The following PBRM1 variants were observed in gnomAD, a reference collection of about 807,000 sequenced individuals.
PBRM1 encodes the protein protein polybromo-1.
A neutral mutation model predicts 194.5 loss-of-function variants in PBRM1; 27 were observed. The observed-to-expected ratio is 0.14, with a 90% CI of 0.10 to 0.19. The LOEUF (loss-of-function observed/expected upper bound fraction) is 0.19. Among genes scored for constraint, PBRM1 ranks in the 10% least tolerant of loss-of-function variants. PBRM1 has a pLI of 1.00. For synonymous variants in PBRM1, 655 were observed against 693.2 expected (o/e 0.94, Z 0.87); for missense variants, 1,466 against 2,077.2 (o/e 0.71, Z 5.72).
chr3:52,545,433 T>C (rs1441329401), downstream of PBRM1: 3 of 231,976 alleles, frequency 1.3e-5, no homozygotes, highest in Admixed American at 1.1e-4. Context: ...AAAAGATACA[T>C]ACATGTTATA....
chr3:52,653,794 C>T (rs1027156591), intron 5 of PBRM1, among the ~76,000 whole-genome samples: 4 of 151,532 alleles, frequency 2.6e-5, no homozygotes, highest in Admixed American at 1.3e-4. Context: ...CCTGTAATTC[C>T]AGCTACTCAG....
Position 52,554,634 on chromosome 3 carries a change from G to A in PBRM1, c.4609+90C>T, listed in dbSNP as rs1360586962. Reference sequence around the variant, plus strand: ...GGGAGGGAAGGCCTGGCCACAATGGGCCACGGGTGCCTCCTGGAACAACTG... The same window carrying A: ...GGGAGGGAAGGCCTGGCCACAATGGACCACGGGTGCCTCCTGGAACAACTG... On this transcript the variant is annotated intron_variant, in intron 27 of 29. Transcript: ENST00000296302. 2.6e-6 allele frequency: 3 copies of A among 1,166,538 alleles called. No individual in the cohort carries two copies. In the East Asian group the frequency reaches 8.1e-5, roughly 31 times the overall value. The allele number at this position is 1,166,538 out of a possible 1,614,324, so 72.3% of individuals were successfully genotyped here.
intron 11 of PBRM1, among the ~76,000 whole-genome samples, chr3:52,631,148 A>C (rs1434416436): frequency 6.6e-6 from 1 of 152,160 alleles, no homozygotes; most frequent in Admixed American, 6.5e-5. Context: ...GGACCTCCAA[A>C]GTCTGGATTA....
At chr3:52,591,042 C>T (rs2092979497) in intron 17 of PBRM1, among the ~76,000 whole-genome samples, 1 of 152,108 alleles carries the variant, frequency 6.6e-6, no homozygotes, top group African/African-American at 2.4e-5. Flanking sequence ...ACAATGCGTT[C>T]CTGATCTAGC....
chr3:52,559,240 T>G (rs2082878151), intron 25 of PBRM1, among the ~76,000 whole-genome samples: 1 of 152,160 alleles, frequency 6.6e-6, no homozygotes, highest in African/African-American at 2.4e-5. Context: ...AAAAGAGCAT[T>G]TGCTGTGGCA....
rs370482456 is a variant in PBRM1 at position 52,560,910 on chromosome 3, T to C, written c.4288+857A>G. Among the ~76,000 whole-genome samples, 180 of 152,046 alleles carry C rather than the reference T, an allele frequency of 1.2e-3. 3 individuals are homozygous for C. In the South Asian group the frequency reaches 0.035, roughly 30 times the overall value. The stretch of plus-strand genomic sequence containing the variant: ...ATAATTAATGTTTGCCAGAAAATAA[T>C]AGAACTGTACCCACCTAAGAAGAGT... On this transcript the variant is annotated intron_variant, in intron 25 of 29. Coordinates refer to ENST00000296302, the Ensembl canonical transcript of PBRM1.
chr3:52,597,887 C>T (rs1002361771), intron 17 of PBRM1, among the ~76,000 whole-genome samples: 4 of 151,994 alleles, frequency 2.6e-5, no homozygotes, highest in Non-Finnish European at 4.4e-5. Flanking sequence ...TATTTTTAGT[C>T]GAGACAGGGT....
chr3:52,596,363 A>G (rs968375140), intron 17 of PBRM1, among the ~76,000 whole-genome samples: 9 of 139,104 alleles, frequency 6.5e-5, no homozygotes, highest in African/African-American at 2.4e-4. Context: ...GCTTGAACCC[A>G]GGAGGCGGAG....
chr3:52,567,841 G>A (rs1171659965), intron 22 of PBRM1, among the ~76,000 whole-genome samples: 1 of 144,874 alleles, frequency 6.9e-6, no homozygotes, highest in Non-Finnish European at 1.5e-5. Context: ...TAGAAATGGG[G>A]TTTCACCATG....
At chr3:52,587,029 C>A (rs990243304) in intron 19 of PBRM1, among the ~76,000 whole-genome samples, 1 of 151,792 alleles carries the variant, frequency 6.6e-6, no homozygotes, top group African/African-American at 2.4e-5. Flanking sequence ...GACAGACACA[C>A]AAAAGCACAC....
At chr3:52,623,189 G>A (rs1208769468) in intron 13 of PBRM1, among the ~76,000 whole-genome samples, 2 of 152,214 alleles carry the variant, frequency 1.3e-5, no homozygotes, top group Non-Finnish European at 2.9e-5. Flanking sequence ...TCAGGAGGCT[G>A]AGGTGGGAGG....
At chr3:52,681,807 T>TG, upstream of PBRM1, 2 of 674,042 alleles carry the variant, frequency 3.0e-6, no homozygotes, top group Non-Finnish European at 3.7e-6. Flanking sequence ...GATTCAGTGT[T>TG]AGTATATTCA....
chr3:52,610,926 G>A lies in PBRM1; in HGVS notation c.1925-971C>T, dbSNP rs1428438111. ...TACACTCTAGCCTGGGCGACAGAGC[G>A]AGACTCTGTCTCAAAAAAACAAAAC... On this transcript the variant is annotated intron_variant, in intron 15 of 29. Transcript: ENST00000296302. Among the ~76,000 whole-genome samples, 9 of 152,086 alleles carry A rather than the reference G, an allele frequency of 5.9e-5. No homozygotes were observed. In the East Asian group the frequency reaches 7.7e-4, roughly 13 times the overall value.
At chr3:52,570,794 C>T (rs1474527220) in intron 22 of PBRM1, among the ~76,000 whole-genome samples, 1 of 151,730 alleles carries the variant, frequency 6.6e-6, no homozygotes, top group Non-Finnish European at 1.5e-5. Flanking sequence ...CTTTCATTTA[C>T]TTATGTCTTC....
chr3:52,581,397 G>A (rs2091134916), intron 20 of PBRM1, among the ~76,000 whole-genome samples: 1 of 151,532 alleles, frequency 6.6e-6, no homozygotes, highest in African/African-American at 2.4e-5. Context: ...GTAGTCCCAG[G>A]AACTTGGGAA....
chr3:52,640,951 T>C (rs1384879897), intron 10 of PBRM1, among the ~76,000 whole-genome samples: 1 of 152,196 alleles, frequency 6.6e-6, no homozygotes, highest in Admixed American at 6.6e-5. Context: ...GTGTCACTTT[T>C]ATAATCAGTA....
At chr3:52,607,993 C>T (rs2094434901) in intron 16 of PBRM1, among the ~76,000 whole-genome samples, 1 of 152,210 alleles carries the variant, frequency 6.6e-6, no homozygotes, top group South Asian at 2.1e-4. Flanking sequence ...TATCCTCTGG[C>T]CTATTCATTT....
intron 1 of PBRM1, chr3:52,685,419 T>G (rs1173161661): frequency 1.3e-5 from 2 of 151,842 alleles, no homozygotes; most frequent in Non-Finnish European, 2.9e-5. Context: ...ACGGAGGAAA[T>G]GAAGGACTTT....
chr3:52,582,623 G>A (rs1017360951), intron 20 of PBRM1, among the ~76,000 whole-genome samples: 6 of 151,308 alleles, frequency 4.0e-5, no homozygotes, highest in Non-Finnish European at 7.4e-5. Flanking sequence ...CACTGCACCC[G>A]ACCGGATAAT....
Sources: allele counts gnomAD v4.1 joint callset (sites outside exome capture counted in the v4.1 genomes callset), GRCh38; gene constraint gnomAD v4.1.1; transcripts MANE v1.5; gene names NCBI Gene and HGNC (gene_info 2026-07-23, HGNC 2026-07-21).